RNF214: variants seen among roughly 807,000 people sequenced by gnomAD.
RNF214 encodes the protein ring finger protein 214.
Under a neutral mutation model 75.9 loss-of-function variants are expected in RNF214, and 25 were observed. The observed-to-expected ratio is 0.33, with a 90% CI of 0.24 to 0.46. The LOEUF is 0.46. Among genes scored for constraint, RNF214 ranks in the 20% least tolerant of loss-of-function variants. The pLI is 1.00. For synonymous variants in RNF214, 314 were observed against 308.8 expected (o/e 1.02, Z -0.18); for missense variants, 725 against 857.5 (o/e 0.85, Z 1.93).
intron 6 of RNF214, among the ~76,000 whole-genome samples, chr11:117,268,744 G>T (rs187793638): frequency 6.6e-6 from 1 of 152,282 alleles, no homozygotes; most frequent in East Asian, 1.9e-4. Flanking sequence ...GAATTTGATT[G>T]GGTTTGTATA....
intron 6 of RNF214, among the ~76,000 whole-genome samples, chr11:117,262,443 T>C (rs1036299825): frequency 1.3e-5 from 2 of 152,204 alleles, no homozygotes; most frequent in South Asian, 4.1e-4. Flanking sequence ...TGCAGTGATA[T>C]GTCATAGCTC....
chr11:117,238,568 T>C (rs770544476), intron 2 of RNF214, 33 bp from the exon 3 acceptor site: 1 of 1,554,484 alleles, frequency 6.4e-7, no homozygotes, highest in Non-Finnish European at 8.7e-7. Flanking sequence ...GAAAGTATTA[T>C]ATACTTTTCT....
chr11:117,279,400 C>T lies in RNF214; in HGVS notation c.960-508C>T, dbSNP rs1029555041. ...AGGCTGGAGTGCAGTGGTGCAATCT[C>T]GGCTCACTGCAACCTGCGCCTCCCA... On this transcript the variant is annotated intron_variant, in intron 6 of 14. Coordinates refer to ENST00000300650, the MANE Select transcript of RNF214 (RefSeq NM_207343.4). Among the ~76,000 whole-genome samples, 6 of 142,970 alleles carry T rather than the reference C, an allele frequency of 4.2e-5. No individual in the cohort carries two copies. The East Asian group carries it at 1.3e-3, about 30-fold the overall frequency. The allele number at this position is 142,970 out of a possible 152,430, so 93.8% of individuals were successfully genotyped here. A position where few individuals can be genotyped will look rare whatever the true frequency, so the allele number is the denominator to read the frequency against.
chr11:117,249,312 TCC>T (rs2033310352), intron 6 of RNF214, among the ~76,000 whole-genome samples: 1 of 152,202 alleles, frequency 6.6e-6, no homozygotes, highest in African/African-American at 2.4e-5. Context: ...TACTACCTTT[TCC>T]ATCTGATTGA....
chr11:117,274,762 C>T (rs1305345886), intron 6 of RNF214, among the ~76,000 whole-genome samples: 1 of 151,752 alleles, frequency 6.6e-6, no homozygotes, highest in African/African-American at 2.4e-5. Context: ...GCAACCTCCG[C>T]TTCCCGGGTT....
At chr11:117,263,663 G>T (rs974340911) in intron 6 of RNF214, 1 of 155,458 alleles carries the variant, frequency 6.4e-6, no homozygotes, top group African/African-American at 2.4e-5. Context: ...TGACACTTAC[G>T]TAGCAGCTTG....
At chr11:117,245,069 A>G (rs976268790) in intron 5 of RNF214, among the ~76,000 whole-genome samples, 21 of 151,648 alleles carry the variant, frequency 1.4e-4, no homozygotes, top group African/African-American at 5.1e-4. Flanking sequence ...CTGTAATCCC[A>G]ACACTTTGAG....
chr11:117,240,940 A>T (rs1354798888), intron 4 of RNF214, among the ~76,000 whole-genome samples: 1 of 152,050 alleles, frequency 6.6e-6, no homozygotes, highest in Admixed American at 6.6e-5. Context: ...GCGCTTTGGG[A>T]GGCTGAGGCA....
chr11:117,267,501 G>T (rs2033820491), intron 6 of RNF214, among the ~76,000 whole-genome samples: 1 of 151,798 alleles, frequency 6.6e-6, no homozygotes, highest in African/African-American at 2.4e-5. Context: ...TGCTTGAGCT[G>T]AGGAGTTGGA....
intron 6 of RNF214, among the ~76,000 whole-genome samples, chr11:117,272,247 C>G (rs983783597): frequency 3.9e-5 from 6 of 152,164 alleles, no homozygotes; most frequent in Non-Finnish European, 5.9e-5. Flanking sequence ...CACCAACCAC[C>G]ACCTTGAGCC....
At chr11:117,236,150 C>T (rs1329262154) in intron 2 of RNF214, among the ~76,000 whole-genome samples, 22 of 151,540 alleles carry the variant, frequency 1.5e-4, no homozygotes, top group South Asian at 2.1e-4. Flanking sequence ...TAGTGGAGAC[C>T]GGGTTTCACC....
intron 6 of RNF214, among the ~76,000 whole-genome samples, chr11:117,274,749 A>G (rs2033981860): frequency 6.7e-6 from 1 of 148,282 alleles, no homozygotes; most frequent in African/African-American, 2.5e-5. Flanking sequence ...ATCTCAGCTC[A>G]CTGCAACCTC....
rs189960242 is a variant in RNF214, at chr11:117,247,504, A to T, written c.959+556A>T. 3.2e-3 allele frequency among the ~76,000 whole-genome samples: 487 copies of T among 152,134 alleles called. 2 individuals carry two copies. The highest frequency in any genetic ancestry group is 4.8e-3 in the Non-Finnish European group (326 of 67,996). On this transcript the variant is annotated intron_variant, in intron 6 of 14. Coordinates refer to ENST00000300650, the MANE Select transcript of RNF214 (RefSeq NM_207343.4). ...AGCAAGACCTTGTCTCTTAAAAAAA[A>T]ATTTTTTTTATATGAATCTAACACC...
chr11:117,238,617 C>G lies in RNF214; in HGVS notation c.124C>G (p.Gln42Glu), dbSNP rs1177649799. The change falls in exon 3 of 15, where the codon CAG becomes GAG. Residue 42 changes from glutamine (Q) to glutamate (E), a missense_variant. Transcript: ENST00000300650. Reference protein sequence around the residue: ...PDGLSTKDSAQKQKNSPLLSV... With the variant: ...PDGLSTKDSAEKQKNSPLLSV... ...GTTTGATAGCACCAAAGACTCTGCA[C>G]AGAAGCAGAAGAACTCGCCTCTGTT... is the stretch of plus-strand genomic sequence containing the variant. The G allele has an allele frequency of 1.9e-6, 3 of 1,612,876 alleles. No individual in the cohort carries two copies. Among genetic ancestry groups the G allele is most frequent in the Non-Finnish European group, 2.5e-6 (3 of 1,179,270 alleles).
At chr11:117,259,701 A>T (rs980561244) in intron 6 of RNF214, among the ~76,000 whole-genome samples, 1 of 151,258 alleles carries the variant, frequency 6.6e-6, no homozygotes, top group African/African-American at 2.4e-5. Flanking sequence ...CTACTTGCTT[A>T]TTGGCCGTTT....
intron 6 of RNF214, among the ~76,000 whole-genome samples, chr11:117,264,421 T>A (rs1359555372): frequency 6.6e-6 from 1 of 152,170 alleles, no homozygotes; most frequent in South Asian, 2.1e-4. Context: ...AATATACTCA[T>A]CTTGAAATAA....
chr11:117,277,834 G>C (rs540091655), intron 6 of RNF214, among the ~76,000 whole-genome samples: 1 of 151,868 alleles, frequency 6.6e-6, no homozygotes, highest in South Asian at 2.1e-4. Context: ...AATTAGCTGC[G>C]CATGGTGGTG....
In RNF214 at chr11:117,281,572, C is replaced by T. The variant is rs756514016; in HGVS notation, c.1237-28C>T. 7.8e-6 allele frequency: 12 copies of T among 1,533,582 alleles called. 1 individual carries two copies. In the Middle Eastern group the frequency reaches 1.2e-3, roughly 151 times the overall value. 95.0% of individuals were successfully genotyped at this position (1,533,582 alleles called of 1,614,324 possible). On this transcript the variant is annotated intron_variant, in intron 9 of 14. Transcript: ENST00000300650. ...TTCTAGAGAGCCTGAGTCAGTTCAG[C>T]AGTAAAAATAATCCTTTTTTTTTTT...
chr11:117,278,769 G>A (rs541072089), intron 6 of RNF214, among the ~76,000 whole-genome samples: 4 of 152,294 alleles, frequency 2.6e-5, no homozygotes, highest in South Asian at 2.1e-4. Flanking sequence ...GCTTAGTAGC[G>A]AATTAGTGAT....
Sources: allele counts gnomAD v4.1 joint callset (sites outside exome capture counted in the v4.1 genomes callset), GRCh38; gene constraint gnomAD v4.1.1; transcripts MANE v1.5; gene names NCBI Gene and HGNC (gene_info 2026-07-23, HGNC 2026-07-21).